Variants in ADD2 observed in about 807,000 individuals in gnomAD.
The protein encoded by ADD2 is adducin 2.
A neutral mutation model predicts 83.0 loss-of-function variants in ADD2; 23 were observed. The ratio of observed to expected loss-of-function variants is 0.28; its 90% CI spans 0.20 to 0.39. The LOEUF is 0.39. Among genes scored for constraint, ADD2 ranks in the 10% least tolerant of loss-of-function variants. The pLI, the probability that ADD2 is intolerant of heterozygous loss-of-function variation, is 1.00. For missense variants in ADD2, 758 were observed against 944.9 expected, an observed-to-expected ratio of 0.80 and a Z score of 2.59; for synonymous variants, 375 against 375.4, an observed-to-expected ratio of 1.00 and a Z score of 0.01.
Position 70,731,710 on chromosome 2 carries a change from T to C in ADD2, c.-153-18526A>G, listed in dbSNP as rs528282867. On this transcript the variant is annotated intron_variant, in intron 1 of 15. Transcript: ENST00000264436. ...TGGCTGCACAGATCTCTTGCTGGAG[T>C]TATAAATGGGCTGCTGGAGAAAAGA... Among the ~76,000 whole-genome samples, 7 of 152,208 alleles carry C rather than the reference T, an allele frequency of 4.6e-5. No homozygotes were observed. The South Asian group carries it at 1.5e-3, about 32-fold the overall frequency.
chr2:70,694,225 C>A (rs1553372213), intron 6 of ADD2, among the ~76,000 whole-genome samples: 1 of 152,208 alleles, frequency 6.6e-6, no homozygotes, highest in Non-Finnish European at 1.5e-5. Context: ...GAAAGTCCCA[C>A]CAGCTTCTCA....
In ADD2 at chr2:70,689,629, G is replaced by A. The variant is rs563257813; in HGVS notation, c.849+1157C>T. Among the ~76,000 whole-genome samples the A allele has an allele frequency of 2.0e-5, 3 of 152,308 alleles. No homozygotes were observed. In the East Asian group the frequency reaches 5.8e-4, roughly 29 times the overall value. ...GGAGGATGTCAGGAGAGAGAGGTGG[G>A]ATACCTCACTGTGTTAGAGATGAGA... On this transcript the variant is annotated intron_variant, in intron 8 of 15. Transcript: ENST00000264436.
At chr2:70,673,353 T>A in intron 14 of ADD2, 1 of 1,609,194 alleles carries the variant, frequency 6.2e-7, no homozygotes, top group South Asian at 1.1e-5. Flanking sequence ...AGGAGCTTTG[T>A]GTCGTGAGCA....
intron 10 of ADD2, among the ~76,000 whole-genome samples, chr2:70,680,513 T>G (rs955586473): frequency 6.6e-6 from 1 of 152,238 alleles, no homozygotes; most frequent in South Asian, 2.1e-4. Context: ...GAATTTCACA[T>G]GGAAGGATAT....
intron 1 of ADD2, among the ~76,000 whole-genome samples, chr2:70,726,186 C>CAAAAAAA (rs34333514): frequency 0.013 from 599 of 45,448 alleles, 53 homozygotes; most frequent in Non-Finnish European, 0.017. Flanking sequence ...GACTCCATCT[C>CAAAAAAA]AAAAAAAAAA....
Position 70,696,265 on chromosome 2 carries a change from G to A in ADD2, c.454C>T (p.Leu152=). Residue 152 remains leucine (L), a synonymous_variant, in exon 5 of 16, where the codon CTG becomes TTG. Coordinates refer to ENST00000264436, the MANE Select transcript of ADD2 (RefSeq NM_001617.4). ...RLLDLYGWAQ[L]SDTYVTLRVS... ...CTCACCGTGACATAGGTGTCACTCA[G>A]CTGGGCCCAGCCATAGAGGTCCAGG... 6.2e-7 allele frequency: 1 copy of A among 1,613,116 alleles called. No individual in the cohort carries two copies. The highest frequency in any genetic ancestry group is 2.2e-5 in the East Asian group (1 of 44,858).
chr2:70,691,783 G>C (rs1373406307), intron 7 of ADD2: 1 of 152,202 alleles, frequency 6.6e-6, no homozygotes, highest in Non-Finnish European at 1.5e-5. Context: ...AAAACGGGCT[G>C]ATGACAAGTC....
Position 70,677,752 on chromosome 2 carries a change from A to C in ADD2, c.1503+6T>G, listed in dbSNP as rs782425601. ...AGAAAGAGTGGGATAAACAGACCCC[A>C]CTTACCTTGTTCCTCATCTCCAGTA... On this transcript the variant is annotated splice_donor_region_variant and intron_variant, in intron 12 of 15. Transcript: ENST00000264436. 9 of 1,614,078 alleles carry C rather than the reference A, an allele frequency of 5.6e-6. No individual in the cohort carries two copies. In the South Asian group the frequency reaches 8.8e-5, roughly 16 times the overall value.
chr2:70,685,128 C>T (rs1486000229), intron 9 of ADD2, among the ~76,000 whole-genome samples: 1 of 152,114 alleles, frequency 6.6e-6, no homozygotes, highest in African/African-American at 2.4e-5. Context: ...ATATGATATC[C>T]CATGTTAGCC....
chr2:70,719,625 T>C (rs1672634276), intron 1 of ADD2, among the ~76,000 whole-genome samples: 1 of 152,146 alleles, frequency 6.6e-6, no homozygotes. Context: ...CTCAGTGCCT[T>C]CAGTAAAAAG....
At chr2:70,696,208 T>G (rs374825518) in intron 5 of ADD2, 37 bp downstream of exon 5, 7 of 1,597,670 alleles carry the variant, frequency 4.4e-6, no homozygotes, top group East Asian at 4.5e-5. Flanking sequence ...TGGGACCACA[T>G]GCAGTGCCCC....
At position 70,683,762 on chromosome 2, in the gene ADD2, C is replaced by T. The variant is rs142433540; in HGVS notation, c.954G>A (p.Ser318=). The T allele has an allele frequency of 1.5e-5, 24 of 1,610,250 alleles. No homozygotes were observed. The Middle Eastern group carries it at 5.0e-4, about 33-fold the overall frequency. ...CCACTCCCCCGGCACTGGACAGAGC[C>T]GACACCTGTAGCAAAGAGCAGAGAG... is the stretch of plus-strand genomic sequence containing the variant. ...HLQAACEIQV[S]ALSSAGGVEN... The change falls in exon 10 of 16, where the codon TCG becomes TCA. Residue 318 remains serine, a synonymous_variant. Coordinates refer to ENST00000264436, the MANE Select transcript of ADD2 (RefSeq NM_001617.4).
Position 70,677,303 on chromosome 2 carries a change from G to T in ADD2, c.1504-418C>A, listed in dbSNP as rs1421145879. 2.6e-5 allele frequency among the ~76,000 whole-genome samples: 4 copies of T among 151,996 alleles called. No homozygotes were observed. The South Asian group carries it at 8.3e-4, about 32-fold the overall frequency. Reference sequence around the variant, plus strand: ...TCTCAACTTTCAACAAGCGCTGTAGGGTATCCGGGTCCACACACTGCCACA... The same window carrying T: ...TCTCAACTTTCAACAAGCGCTGTAGTGTATCCGGGTCCACACACTGCCACA... On this transcript the variant is annotated intron_variant, in intron 12 of 15. Coordinates refer to ENST00000264436, the MANE Select transcript of ADD2 (RefSeq NM_001617.4).
At chr2:70,686,056 A>C (rs1670706427) in intron 9 of ADD2, among the ~76,000 whole-genome samples, 1 of 152,216 alleles carries the variant, frequency 6.6e-6, no homozygotes, top group South Asian at 2.1e-4. Flanking sequence ...CTTGTTTGCC[A>C]AGGTCACCAA....
chr2:70,734,851 T>A (rs1377432624), intron 1 of ADD2, among the ~76,000 whole-genome samples: 1 of 152,226 alleles, frequency 6.6e-6, no homozygotes, highest in Non-Finnish European at 1.5e-5. Context: ...GTGTGTTATC[T>A]GTCTTTCTAA....
At chr2:70,747,007 A>ATTTTTTT (rs34113265) in intron 1 of ADD2, among the ~76,000 whole-genome samples, 6 of 121,224 alleles carry the variant, frequency 4.9e-5, no homozygotes, top group African/African-American at 6.7e-5. Context: ...TCCAATATGG[A>ATTTTTTT]TTTTTTTTTT....
rs1418464185 is a variant in ADD2, at chr2:70,706,964, C to A, written c.-34-522G>T. 1.3e-5 allele frequency among the ~76,000 whole-genome samples: 2 copies of A among 152,102 alleles called. No homozygotes were observed. The highest frequency in any genetic ancestry group is 3.9e-4 in the East Asian group (2 of 5,192). On this transcript the variant is annotated intron_variant, in intron 2 of 15. Coordinates refer to ENST00000264436, the MANE Select transcript of ADD2 (RefSeq NM_001617.4). This position sits in a 1 kb window ranked among gnomAD's most constrained non-coding sequence, Gnocchi z 5.0. Reference sequence around the variant, plus strand: ...GGCACACATTTACCTATGTAACAAACCTGCACATCCTGCACACGTATCACA... The same window carrying A: ...GGCACACATTTACCTATGTAACAAAACTGCACATCCTGCACACGTATCACA...
At chr2:70,765,760 T>C (rs1181634583) in intron 1 of ADD2, among the ~76,000 whole-genome samples, 2 of 152,216 alleles carry the variant, frequency 1.3e-5, no homozygotes, top group Non-Finnish European at 2.9e-5. Context: ...GTAGAAGGTC[T>C]CATGCTCATG....
intron 2 of ADD2, among the ~76,000 whole-genome samples, chr2:70,712,419 G>A (rs1246740364): frequency 2.7e-5 from 4 of 149,884 alleles, no homozygotes; most frequent in Admixed American, 1.3e-4. Context: ...ACTCCAGCCT[G>A]GGTGAAAGAG....
Sources: allele counts gnomAD v4.1 joint callset (sites outside exome capture counted in the v4.1 genomes callset), GRCh38; gene constraint gnomAD v4.1.1; non-coding constraint Gnocchi (gnomAD v3.1); transcripts MANE v1.5; gene names NCBI Gene and HGNC (gene_info 2026-07-23, HGNC 2026-07-21).